MYH10: variants seen among roughly 807,000 people sequenced by gnomAD.
MYH10 encodes the protein myosin heavy chain 10.
In MYH10, 55 loss-of-function variants were observed where a neutral mutation model predicts 257.8. The observed-to-expected ratio is 0.21, with a 90% confidence interval of 0.17 to 0.27. The LOEUF (loss-of-function observed/expected upper bound fraction) is 0.27, where lower values mean the gene tolerates loss of function less well. MYH10 is among the 10% of genes least tolerant of loss of function. The pLI is 1.00. For synonymous variants in MYH10, 854 were observed against 921.7 expected (o/e 0.93, Z 1.33); for missense variants, 1,631 against 2,500.6 (o/e 0.65, Z 7.42).
Position 8,520,966 on chromosome 17 carries a change from G to C in MYH10, c.2185C>G (p.Gln729Glu), listed in dbSNP as rs912752278. The C allele has an allele frequency of 6.2e-7, 1 of 1,613,386 alleles. No individual in the cohort carries two copies. The part of the protein sequence containing the change: ...GKLDPHLVLD[Q>E]LRCNGVLEGI... ...TCCAGGACACCGTTACAGCGAAGCT[G>C]ATCTAGGACTAGGTGTGGATCCAAT... is the stretch of plus-strand genomic sequence containing the variant. Residue 729 changes from glutamine to glutamate, a missense_variant, in exon 19 of 43, where the codon CAG becomes GAG. Transcript: ENST00000360416.
Position 8,513,528 on chromosome 17 carries a change from C to T in MYH10, c.2745+10G>A, listed in dbSNP as rs1311881983. 2 of 1,613,626 alleles carry T rather than the reference C, an allele frequency of 1.2e-6. No homozygotes were observed. Among genetic ancestry groups the T allele is most frequent in the African/African-American group, 2.7e-5 (2 of 74,900 alleles). ...GGGCCAAGTGTGAGTTACAAGGTCA[C>T]TGCACACACCTGCTGGTGCTTCCGC... On this transcript the variant is annotated intron_variant, in intron 23 of 42. Transcript: ENST00000360416.
At chr17:8,580,150 T>C (rs1020947326) in intron 4 of MYH10, among the ~76,000 whole-genome samples, 1 of 152,124 alleles carries the variant, frequency 6.6e-6, no homozygotes, top group Admixed American at 6.5e-5. Context: ...TATCTTTTTC[T>C]TATTCCCCAT....
At chr17:8,574,857 C>T (rs556419717) in intron 6 of MYH10, among the ~76,000 whole-genome samples, 10 of 152,332 alleles carry the variant, frequency 6.6e-5, no homozygotes, top group African/African-American at 2.4e-4. Context: ...GGACACCCAG[C>T]AGGGGGAGAA....
chr17:8,610,419 A>G (rs2084991455), intron 2 of MYH10, among the ~76,000 whole-genome samples: 1 of 151,432 alleles, frequency 6.6e-6, no homozygotes, highest in South Asian at 2.1e-4. Context: ...TGAGACCCCT[A>G]TCTCCAGAAG....
intron 1 of MYH10, among the ~76,000 whole-genome samples, chr17:8,627,113 T>TG (rs1244177871): frequency 1.3e-5 from 2 of 151,494 alleles, no homozygotes; most frequent in Admixed American, 6.6e-5. Context: ...CCCAATTTTG[T>TG]GGGGAAAACT....
At chr17:8,558,633 G>C (rs918227493) in intron 7 of MYH10, among the ~76,000 whole-genome samples, 1 of 152,144 alleles carries the variant, frequency 6.6e-6, no homozygotes, top group Admixed American at 6.6e-5. Context: ...ATAGCTATTC[G>C]AGATAGCAAC....
At chr17:8,582,843 A>T (rs1277978132) in intron 4 of MYH10, among the ~76,000 whole-genome samples, 1 of 152,258 alleles carries the variant, frequency 6.6e-6, no homozygotes, top group Non-Finnish European at 1.5e-5. Flanking sequence ...ATTGGTAAAA[A>T]TATTGGTATT....
intron 2 of MYH10, among the ~76,000 whole-genome samples, chr17:8,610,271 C>CAAAAAAAAAAAAA (rs71361810): frequency 0.047 from 2,168 of 45,880 alleles, 611 homozygotes; most frequent in East Asian, 0.15. Flanking sequence ...CATAGGATTG[C>CAAAAAAAAAAAAA]AAAAAAAAAA....
Position 8,480,288 on chromosome 17 carries a change from C to T in MYH10, c.5419G>A (p.Glu1807Lys), listed in dbSNP as rs757313647. 6.8e-6 allele frequency: 11 copies of T among 1,613,988 alleles called. No homozygotes were observed. The highest frequency in any genetic ancestry group is 2.7e-5 in the African/African-American group (2 of 74,942). Residue 1807 changes from glutamate to lysine, a missense_variant, in exon 40 of 43, where the codon GAG (glutamate) becomes AAG (lysine). Around this residue, in one of 11 missense-constraint regions of MYH10, gnomAD observed 343 missense variants for 389.5 expected, o/e 0.88. Coordinates refer to ENST00000360416, the MANE Select transcript of MYH10 (RefSeq NM_001256012.3). The stretch of plus-strand genomic sequence containing the variant: ...TCACTCTTCTGGGCGGCGCTGCGCT[C>T]GGCTGCTAGCTCGGCGTTCAGTGTG... ...VDTLNAELAA[E>K]RSAAQKSDNA...
At chr17:8,527,554 C>T (rs1403980209) in intron 17 of MYH10, among the ~76,000 whole-genome samples, 2 of 152,114 alleles carry the variant, frequency 1.3e-5, no homozygotes, top group African/African-American at 2.4e-5. Flanking sequence ...ACACTATGAG[C>T]GATACTAGAC....
chr17:8,592,968 T>TATATATATAA (rs2084227557), intron 3 of MYH10, among the ~76,000 whole-genome samples: 1 of 123,848 alleles, frequency 8.1e-6, no homozygotes, highest in Non-Finnish European at 1.7e-5. Flanking sequence ...TATATATATA[T>TATATATATAA]ATAAAAGATG....
At chr17:8,524,449 C>CAAAAA (rs541255427) in intron 17 of MYH10, among the ~76,000 whole-genome samples, 6 of 62,128 alleles carry the variant, frequency 9.7e-5, no homozygotes, top group African/African-American at 3.3e-4. Context: ...GACTCTGTCT[C>CAAAAA]AAAAAAAAAA....
At chr17:8,523,972 C>A (rs567510437) in intron 17 of MYH10, among the ~76,000 whole-genome samples, 1 of 151,922 alleles carries the variant, frequency 6.6e-6, no homozygotes, top group Non-Finnish European at 1.5e-5. Context: ...TGGGGGACTT[C>A]GAAGTGGAAG....
rs1217155150 is a variant in MYH10 at position 8,475,749 on chromosome 17, C to G, written c.*55G>C. The stretch of plus-strand genomic sequence containing the variant: ...CCAATTTCCGAAATCTGCAGGAGGC[C>G]CCGGGTGCATTCCTAACTGTCCCAC... On this transcript the variant is annotated 3_prime_UTR_variant, in exon 43 of 43. Transcript: ENST00000360416. 14 of 1,575,818 alleles carry G rather than the reference C, an allele frequency of 8.9e-6. No homozygotes were observed. In the East Asian group the frequency reaches 2.5e-4, roughly 28 times the overall value.
chr17:8,525,083 T>C (rs1010613744), intron 17 of MYH10, among the ~76,000 whole-genome samples: 3 of 152,232 alleles, frequency 2.0e-5, no homozygotes, highest in Non-Finnish European at 2.9e-5. Context: ...TACAAACTAG[T>C]TGCATTTTCC....
chr17:8,629,327 G>A (rs1231251705), intron 1 of MYH10, among the ~76,000 whole-genome samples: 1 of 151,942 alleles, frequency 6.6e-6, no homozygotes, highest in East Asian at 1.9e-4. Flanking sequence ...TACCCCGCCT[G>A]CTTTCCCCTA....
intron 17 of MYH10, among the ~76,000 whole-genome samples, chr17:8,526,046 C>T (rs1174073928): frequency 6.6e-6 from 1 of 152,216 alleles, no homozygotes; most frequent in Admixed American, 6.5e-5. Flanking sequence ...CCGCCTTGGC[C>T]TCTCAAAGTG....
intron 37 of MYH10, 92 bp from the exon 38 acceptor site, chr17:8,481,502 C>A: frequency 9.0e-7 from 1 of 1,114,846 alleles, no homozygotes. Context: ...GACCTTGCTC[C>A]TGTCACTGTT....
At chr17:8,536,384 A>T (rs540668673) in intron 14 of MYH10, among the ~76,000 whole-genome samples, 1 of 152,332 alleles carries the variant, frequency 6.6e-6, no homozygotes, top group East Asian at 1.9e-4. Flanking sequence ...GTAATTTTAA[A>T]TTAAATGTAT....
Sources: allele counts gnomAD v4.1 joint callset (sites outside exome capture counted in the v4.1 genomes callset), GRCh38; gene constraint gnomAD v4.1.1; regional missense constraint gnomAD v4.1.1; transcripts MANE v1.5; gene names NCBI Gene and HGNC (gene_info 2026-07-23, HGNC 2026-07-21).